The following SLC45A2 variants were observed in gnomAD, a reference collection of about 807,000 sequenced individuals.
The protein encoded by SLC45A2 is membrane-associated transporter protein.
Under a neutral mutation model 45.5 loss-of-function variants are expected in SLC45A2, and 36 were observed. The ratio of observed to expected loss-of-function variants is 0.79; its 90% CI spans 0.61 to 1.04. The LOEUF (loss-of-function observed/expected upper bound fraction) is 1.04. SLC45A2 is among the 50% of genes least tolerant of loss of function. The pLI is 0.00. For missense variants in SLC45A2, 719 were observed against 671.0 expected (o/e 1.07, Z -0.79); for synonymous variants, 306 against 269.3 (o/e 1.14, Z -1.33).
chr5:33,947,529 G>A (rs371343118), intron 5 of SLC45A2, among the ~76,000 whole-genome samples, 155 bp from the exon 6 acceptor site: 10 of 152,314 alleles, frequency 6.6e-5, no homozygotes, highest in East Asian at 3.9e-4. Flanking sequence ...GTTGAAAACA[G>A]CTGGCTTTTG....
intron 2 of SLC45A2, among the ~76,000 whole-genome samples, chr5:33,969,024 A>G (rs1040142796): frequency 2.4e-5 from 3 of 124,334 alleles, no homozygotes; most frequent in Non-Finnish European, 3.7e-5. Flanking sequence ...AATCCTGGAC[A>G]GTTAACATAA....
intron 2 of SLC45A2, among the ~76,000 whole-genome samples, chr5:33,974,098 C>G (rs1169748814): frequency 6.6e-6 from 1 of 152,288 alleles, no homozygotes; most frequent in African/African-American, 2.4e-5. Flanking sequence ...ACTCCCTGGG[C>G]ACAAAAGGAT....
chr5:33,947,221 G>C lies in SLC45A2; in HGVS notation c.1310C>G (p.Thr437Ser). ...LCSLFGVMSS[T>S]LYTVPFNLIT... ...GAGGTTAAAGGGCACAGTGTACAGG[G>C]TGCTGGACATTACACCAAACAGGCT... Residue 437 changes from threonine to serine, a missense_variant, in exon 6 of 7, where the codon ACC becomes AGC. Coordinates refer to ENST00000296589, the MANE Select transcript of SLC45A2 (RefSeq NM_016180.5). The C allele has an allele frequency of 6.2e-7, 1 of 1,614,228 alleles. No individual in the cohort carries two copies. Among genetic ancestry groups the C allele is most frequent in the Non-Finnish European group, 8.5e-7 (1 of 1,180,046 alleles).
At chr5:33,960,126 A>G (rs1474983299) in intron 3 of SLC45A2, among the ~76,000 whole-genome samples, 1 of 152,212 alleles carries the variant, frequency 6.6e-6, no homozygotes, top group East Asian at 1.9e-4. Flanking sequence ...GCTGGATCAA[A>G]TCGTAGCTCT....
intron 2 of SLC45A2, among the ~76,000 whole-genome samples, chr5:33,980,679 A>G (rs1217739232): frequency 1.3e-5 from 2 of 152,192 alleles, no homozygotes; most frequent in East Asian, 1.9e-4. Flanking sequence ...GATGTTCTAA[A>G]TGGGAGAGAC....
chr5:33,954,588 T>C (rs767393975), intron 3 of SLC45A2, 84 bp from the exon 4 acceptor site: 10 of 1,578,488 alleles, frequency 6.3e-6, no homozygotes, highest in Non-Finnish European at 7.8e-6. Flanking sequence ...AGACATGTTA[T>C]GTATTTGTCA....
At position 33,946,826 on chromosome 5, in the gene SLC45A2, A is replaced by G. The variant is rs55746663; in HGVS notation, c.1368+337T>C. On this transcript the variant is annotated intron_variant, in intron 6 of 6. Transcript: ENST00000296589. Reference sequence around the variant, plus strand: ...GGGAGACCTATGAGGTGGTTACAGAAGACCTGGGTCCCCCTTTTTTTGTCT... The same window carrying G: ...GGGAGACCTATGAGGTGGTTACAGAGGACCTGGGTCCCCCTTTTTTTGTCT... The G allele has an allele frequency of 7.9e-3, 10,068 of 1,276,280 alleles. 665 individuals are homozygous for G. In the African/African-American group the frequency reaches 0.14, roughly 18 times the overall value. The allele number at this position is 1,276,280 out of a possible 1,614,324, so 79.1% of individuals were successfully genotyped here.
At position 33,964,842 on chromosome 5, in the gene SLC45A2, G is replaced by T. The variant is rs550064182; in HGVS notation, c.563-826C>A. Reference sequence around the variant, plus strand: ...TCTGTTTTAAAATACACGTGTTCCTGGTATGGGCAAGAAATTACTCAGCAC... The same window carrying T: ...TCTGTTTTAAAATACACGTGTTCCTTGTATGGGCAAGAAATTACTCAGCAC... On this transcript the variant is annotated intron_variant, in intron 2 of 6. Transcript: ENST00000296589. Among the ~76,000 whole-genome samples the T allele has an allele frequency of 1.8e-4, 28 of 152,200 alleles. No individual in the cohort carries two copies. The South Asian group carries it at 5.8e-3, about 32-fold the overall frequency.
intron 2 of SLC45A2, among the ~76,000 whole-genome samples, chr5:33,978,493 A>G (rs1752992084): frequency 6.6e-6 from 1 of 152,050 alleles, no homozygotes; most frequent in Admixed American, 6.6e-5. Context: ...TCTCTCTGAA[A>G]CTTGCTATCT....
In SLC45A2 at chr5:33,984,251, G is replaced by T. The variant is rs1051811595; in HGVS notation, c.333C>A (p.Val111=). ...ACAGAGCCATGCCCACGAGCATCAT[G>T]ACTCCCAGGGTGAGGATGTAGGGTC... ...RRRPYILTLG[V]MMLVGMALYL... The change falls in exon 1 of 7, where the codon GTC becomes GTA. Residue 111 remains valine (V), a synonymous_variant. Transcript: ENST00000296589. The T allele has an allele frequency of 4.3e-6, 7 of 1,614,030 alleles. No individual in the cohort carries two copies. The highest frequency in any genetic ancestry group is 5.9e-6 in the Non-Finnish European group (7 of 1,180,038).
chr5:33,974,116 C>T (rs1752858989), intron 2 of SLC45A2, among the ~76,000 whole-genome samples: 1 of 152,202 alleles, frequency 6.6e-6, no homozygotes, highest in African/African-American at 2.4e-5. Flanking sequence ...GATTTCCAGT[C>T]TTCCCTGGTG....
At chr5:33,967,425 A>G (rs1752631151) in intron 2 of SLC45A2, among the ~76,000 whole-genome samples, 1 of 152,182 alleles carries the variant, frequency 6.6e-6, no homozygotes, top group African/African-American at 2.4e-5. Flanking sequence ...CTGATTCTGA[A>G]GGTCTAAGGT....
At chr5:33,945,093 C>T (rs1751882843) in intron 6 of SLC45A2, among the ~76,000 whole-genome samples, 1 of 152,150 alleles carries the variant, frequency 6.6e-6, no homozygotes, top group African/African-American at 2.4e-5. Context: ...ACATTATTAG[C>T]ATTTGATTTC....
In SLC45A2 at chr5:33,964,006, A is replaced by T; in HGVS notation, c.573T>A (p.Gly191=). 6.2e-7 allele frequency: 1 copy of T among 1,613,802 alleles called. No individual in the cohort carries two copies. Among genetic ancestry groups the T allele is most frequent in the Non-Finnish European group, 8.5e-7 (1 of 1,179,748 alleles). Residue 191 remains glycine (G), a synonymous_variant, in exon 3 of 7, where the codon GGT becomes GGA. Transcript: ENST00000296589. ...TAGCACCCAAAAGGTAACCCAGGGC[A>T]CCTCCAAAACCTGGAAAGCAAGAAA... The part of the protein sequence containing the change: ...HYHALFTGFG[G]ALGYLLGAID...
chr5:33,945,826 A>G, intron 6 of SLC45A2: 1 of 504,984 alleles, frequency 2.0e-6, no homozygotes, highest in Non-Finnish European at 2.6e-6. Flanking sequence ...TGAAAAACGC[A>G]TATTATCCTT....
chr5:33,950,559 C>T (rs1173020204), intron 5 of SLC45A2, among the ~76,000 whole-genome samples: 3 of 152,188 alleles, frequency 2.0e-5, no homozygotes, highest in Admixed American at 1.3e-4. Flanking sequence ...TCCTGCTGTG[C>T]TATGGCTAGG....
rs745701269 is a variant in SLC45A2, at chr5:33,984,353, G to T, written c.231C>A (p.Ser77Arg). ...GCTGCAGCAGGAATCCCAGGATGGG[G>T]CTGAGGAACCACACAATGCTGTACA... ...SSLYSIVWFL[S>R]PILGFLLQPV... is the part of the protein sequence containing the mutation. Residue 77 changes from serine (S) to arginine (R), a missense_variant, in exon 1 of 7, where the codon AGC becomes AGA. By Grantham distance (110) the Ser-to-Arg change is moderately radical. Coordinates refer to ENST00000296589, the MANE Select transcript of SLC45A2 (RefSeq NM_016180.5). 1 of 1,614,036 alleles carries T rather than the reference G, an allele frequency of 6.2e-7. No individual in the cohort carries two copies. Among genetic ancestry groups the T allele is most frequent in the Admixed American group, 1.7e-5 (1 of 60,012 alleles).
At chr5:33,949,037 G>T (rs555099675) in intron 5 of SLC45A2, among the ~76,000 whole-genome samples, 9 of 152,170 alleles carry the variant, frequency 5.9e-5, no homozygotes, top group Non-Finnish European at 1.3e-4. Flanking sequence ...ATAGATTTAA[G>T]CACCAGTTAT....
At chr5:33,952,229 T>C (rs983550782) in intron 4 of SLC45A2, among the ~76,000 whole-genome samples, 1 of 152,138 alleles carries the variant, frequency 6.6e-6, no homozygotes, top group Admixed American at 6.6e-5. Context: ...TGGCCTCAAA[T>C]GATTGCTCCA....
Sources: gnomAD v4.1 joint callset for allele counts (sites outside exome capture counted in the v4.1 genomes callset) on GRCh38, gnomAD v4.1.1 for gene constraint, MANE v1.5 for transcripts, NCBI Gene and HGNC (gene_info 2026-07-23, HGNC 2026-07-21) for gene names.